The following LUZP2 variants were observed in gnomAD, a reference collection of about 807,000 sequenced individuals.
LUZP2 encodes the protein leucine zipper protein 2.
A neutral mutation model predicts 51.6 loss-of-function variants in LUZP2; 52 were observed. The ratio of observed to expected loss-of-function variants is 1.01; its 90% CI spans 0.81 to 1.27. The LOEUF is 1.27. Ranked by LOEUF, LUZP2 falls within the 50% of genes most tolerant of loss-of-function variation. The pLI is 0.00. For synonymous variants in LUZP2, 154 were observed against 137.3 expected (o/e 1.12, Z -0.85); for missense variants, 436 against 395.4 (o/e 1.10, Z -0.87).
chr11:24,755,965 C>A (rs1412155342), intron 4 of LUZP2, among the ~76,000 whole-genome samples: 1 of 152,098 alleles, frequency 6.6e-6, no homozygotes, highest in Non-Finnish European at 1.5e-5. Context: ...GCGAGCCTGG[C>A]ACATTTTAAG....
intron 1 of LUZP2, among the ~76,000 whole-genome samples, chr11:24,722,838 C>T (rs1858328559): frequency 6.6e-6 from 1 of 151,376 alleles, no homozygotes; most frequent in South Asian, 2.1e-4. Context: ...AATTGCTTGA[C>T]CTCAGGACGT....
chr11:24,842,300 G>T (rs1851059330), intron 5 of LUZP2, among the ~76,000 whole-genome samples: 1 of 149,706 alleles, frequency 6.7e-6, no homozygotes, highest in African/African-American at 2.4e-5. Flanking sequence ...TAAATAATTT[G>T]TATAGTAAAT....
chr11:24,929,907 G>C (rs1022404259), intron 7 of LUZP2, among the ~76,000 whole-genome samples: 5 of 152,120 alleles, frequency 3.3e-5, no homozygotes, highest in African/African-American at 1.2e-4. Flanking sequence ...AAATTTGGGA[G>C]CTCCAGTGTT....
rs58208652 is a variant in LUZP2, at chr11:24,785,533, A to G, written c.396+22225A>G. On this transcript the variant is annotated intron_variant, in intron 5 of 11. Transcript: ENST00000336930. ...ACTTGGGAATATTAATGACATATTT[A>G]TATTGTCATTATGAATATAATGACA... Among the ~76,000 whole-genome samples the G allele has an allele frequency of 9.5e-3, 1,446 of 152,046 alleles. 33 individuals carry two copies. Among genetic ancestry groups the G allele is most frequent in the African/African-American group, 0.033 (1,355 of 41,512 alleles).
chr11:25,031,015 A>ATATATATTTTT (rs1406897346), intron 9 of LUZP2, among the ~76,000 whole-genome samples: 5 of 11,878 alleles, frequency 4.2e-4, no homozygotes, highest in East Asian at 2.1e-3. Context: ...ATATATATAT[A>ATATATATTTTT]TTTTTTTTTT....
intron 6 of LUZP2, among the ~76,000 whole-genome samples, chr11:24,914,140 A>C (rs900218849): frequency 1.3e-5 from 2 of 152,204 alleles, no homozygotes; most frequent in Admixed American, 6.5e-5. Flanking sequence ...TGAGGCATGC[A>C]TATGTACAGA....
At chr11:24,998,872 G>A (rs567025443) in intron 9 of LUZP2, among the ~76,000 whole-genome samples, 6 of 151,968 alleles carry the variant, frequency 3.9e-5, no homozygotes, top group African/African-American at 7.2e-5. Context: ...GCATGCAGTC[G>A]ATAACTAAAA....
intron 1 of LUZP2, among the ~76,000 whole-genome samples, chr11:24,541,631 T>A (rs922310250): frequency 1.3e-5 from 2 of 152,138 alleles, no homozygotes; most frequent in African/African-American, 4.8e-5. Context: ...AACAATTGAT[T>A]ATGTTGACTA....
At chr11:24,796,274 T>C (rs1293865266) in intron 5 of LUZP2, among the ~76,000 whole-genome samples, 7 of 152,092 alleles carry the variant, frequency 4.6e-5, no homozygotes, top group Non-Finnish European at 7.4e-5. Context: ...GTTAGTCTTT[T>C]TGAATAACCC....
intron 1 of LUZP2, among the ~76,000 whole-genome samples, chr11:24,625,368 AAAGGAAGG>A (rs1287141460): frequency 2.0e-5 from 3 of 151,882 alleles, no homozygotes; most frequent in Non-Finnish European, 2.9e-5. Flanking sequence ...AAGGGAAAGG[AAAGGAAGG>A]AAGGAAGGAA....
At chr11:25,052,055 C>T (rs1406982769) in intron 10 of LUZP2, among the ~76,000 whole-genome samples, 2 of 152,202 alleles carry the variant, frequency 1.3e-5, no homozygotes, top group Middle Eastern at 3.4e-3. Flanking sequence ...CAAAAAGCTG[C>T]CTCCACCAGA....
chr11:24,880,437 A>G (rs1402801254), intron 5 of LUZP2, among the ~76,000 whole-genome samples: 1 of 152,174 alleles, frequency 6.6e-6, no homozygotes, highest in Admixed American at 6.5e-5. Flanking sequence ...TTTTGGTAAG[A>G]AAGTGAATTT....
At chr11:24,821,425 A>G (rs1455194733) in intron 5 of LUZP2, among the ~76,000 whole-genome samples, 1 of 152,128 alleles carries the variant, frequency 6.6e-6, no homozygotes, top group Non-Finnish European at 1.5e-5. Context: ...CTAAACATTA[A>G]CACCTTATTA....
intron 5 of LUZP2, among the ~76,000 whole-genome samples, chr11:24,900,982 T>C (rs575518707): frequency 6.6e-6 from 1 of 152,282 alleles, no homozygotes; most frequent in East Asian, 1.9e-4. Flanking sequence ...GTTAAACTCT[T>C]TTTTTCTCAA....
intron 2 of LUZP2, among the ~76,000 whole-genome samples, chr11:24,730,048 G>A (rs1858657629): frequency 6.6e-6 from 1 of 151,628 alleles, no homozygotes; most frequent in Admixed American, 6.6e-5. Context: ...TTTAAACCAT[G>A]TGGAGTCGCT....
chr11:24,697,650 A>G (rs1483234679), intron 1 of LUZP2, among the ~76,000 whole-genome samples: 1 of 152,150 alleles, frequency 6.6e-6, no homozygotes, highest in Non-Finnish European at 1.5e-5. Flanking sequence ...CCTTGGTAAA[A>G]CTAACCAAAG....
intron 1 of LUZP2, among the ~76,000 whole-genome samples, chr11:24,575,508 T>G (rs1246122433): frequency 1.3e-5 from 2 of 152,190 alleles, no homozygotes; most frequent in Non-Finnish European, 1.5e-5. Context: ...AGATTTAGAA[T>G]GATTCATGAT....
chr11:24,807,598 G>T (rs150209581), intron 5 of LUZP2, among the ~76,000 whole-genome samples: 5 of 152,216 alleles, frequency 3.3e-5, no homozygotes, highest in Admixed American at 6.6e-5. Flanking sequence ...TAGTTGTGTA[G>T]AAATGTGATT....
At chr11:24,960,118 T>C (rs1036711103) in intron 7 of LUZP2, among the ~76,000 whole-genome samples, 3 of 152,200 alleles carry the variant, frequency 2.0e-5, no homozygotes, top group Non-Finnish European at 4.4e-5. Flanking sequence ...TCATGGTGGA[T>C]AAGCTTTTTG....
Sources: gnomAD v4.1 joint callset for allele counts (sites outside exome capture counted in the v4.1 genomes callset) on GRCh38, gnomAD v4.1.1 for gene constraint, MANE v1.5 for transcripts, NCBI Gene and HGNC (gene_info 2026-07-23, HGNC 2026-07-21) for gene names.